Variants in PANX1 observed in about 807,000 individuals in gnomAD.
PANX1 encodes pannexin 1.
PANX1 carries 30 observed loss-of-function variants against 38.7 expected under a neutral mutation model. That is an observed-to-expected ratio of 0.78 (90% CI 0.58 to 1.05). The LOEUF (loss-of-function observed/expected upper bound fraction) is 1.05, where lower values mean the gene tolerates loss of function less well. Among genes scored for constraint, PANX1 ranks in the 50% least tolerant of loss-of-function variants. The pLI is 0.00. For missense variants in PANX1, 551 were observed against 517.2 expected (o/e 1.07, Z -0.63); for synonymous variants, 230 against 212.2 (o/e 1.08, Z -0.73).
At chr11:94,130,596 G>T (rs969260948) in intron 1 of PANX1, among the ~76,000 whole-genome samples, 1 of 140,816 alleles carries the variant, frequency 7.1e-6, no homozygotes, top group Non-Finnish European at 1.6e-5. Flanking sequence ...AGAGGATGGG[G>T]CCTGGAGGGC....
At chr11:94,143,364 A>G (rs1321711539) in intron 1 of PANX1, among the ~76,000 whole-genome samples, 1 of 152,186 alleles carries the variant, frequency 6.6e-6, no homozygotes, top group Non-Finnish European at 1.5e-5. Flanking sequence ...ACAAATAAAT[A>G]TGAAATTCAT....
chr11:94,131,888 A>G (rs1219176909), intron 1 of PANX1, among the ~76,000 whole-genome samples: 1 of 152,140 alleles, frequency 6.6e-6, no homozygotes, highest in African/African-American at 2.4e-5. Flanking sequence ...TAAAGGGAGA[A>G]TGAAGTAATT....
At chr11:94,167,490 T>C (rs1482652665) in intron 2 of PANX1, among the ~76,000 whole-genome samples, 7 of 152,184 alleles carry the variant, frequency 4.6e-5, no homozygotes, top group Admixed American at 4.6e-4. Context: ...GTTTTTCACA[T>C]ATGATATTCA....
chr11:94,146,974 G>A (rs1946834418), intron 1 of PANX1, among the ~76,000 whole-genome samples: 1 of 152,164 alleles, frequency 6.6e-6, no homozygotes, highest in African/African-American at 2.4e-5. Context: ...AGAGTAAAGG[G>A]TCATGATCTC....
Position 94,178,621 on chromosome 11 carries a change from G to C in PANX1, c.545+29G>C, listed in dbSNP as rs750876914. 22 of 1,541,358 alleles carry C rather than the reference G, an allele frequency of 1.4e-5. 1 individual carries two copies. Among genetic ancestry groups the C allele is most frequent in the South Asian group, 3.4e-5 (3 of 89,362 alleles). ...ACTTAGCCCCAGCAGGCAGCTCATC[G>C]GGTTTTGTAGGACAAATTCTCTGCC... On this transcript the variant is annotated intron_variant, in intron 3 of 4. Coordinates refer to ENST00000227638, the MANE Select transcript of PANX1 (RefSeq NM_015368.4).
intron 2 of PANX1, among the ~76,000 whole-genome samples, chr11:94,159,757 T>G (rs1946999709): frequency 6.6e-6 from 1 of 151,920 alleles, no homozygotes; most frequent in Admixed American, 6.6e-5. Context: ...AGTTATTTCT[T>G]GCCTTCTGCT....
intron 1 of PANX1, among the ~76,000 whole-genome samples, chr11:94,136,555 C>T (rs1946693779): frequency 6.6e-6 from 1 of 152,062 alleles, no homozygotes; most frequent in Admixed American, 6.5e-5. Context: ...CCGACGTGGG[C>T]GGATCACGAG....
chr11:94,176,934 G>T (rs867846526), intron 2 of PANX1, among the ~76,000 whole-genome samples: 1 of 151,608 alleles, frequency 6.6e-6, no homozygotes, highest in African/African-American at 2.4e-5. Context: ...GTTGCTGTGA[G>T]GACTGAACAT....
At chr11:94,176,409 A>C (rs1440950001) in intron 2 of PANX1, among the ~76,000 whole-genome samples, 1 of 151,690 alleles carries the variant, frequency 6.6e-6, no homozygotes, top group African/African-American at 2.4e-5. Context: ...TGGATCTTGG[A>C]ACAGGAAGAG....
intron 2 of PANX1, among the ~76,000 whole-genome samples, chr11:94,177,118 T>C (rs1685334567): frequency 1.3e-5 from 2 of 150,040 alleles, no homozygotes; most frequent in South Asian, 4.1e-4. Flanking sequence ...CTTTGAAAAC[T>C]AACCAGATGG....
intron 3 of PANX1, among the ~76,000 whole-genome samples, chr11:94,179,396 C>T (rs1366288046): frequency 6.6e-6 from 1 of 152,196 alleles, no homozygotes; most frequent in Non-Finnish European, 1.5e-5. Context: ...ACTAGGCCTT[C>T]TGTTAAATAT....
chr11:94,150,483 G>A (rs1040052806), intron 1 of PANX1, among the ~76,000 whole-genome samples: 26 of 152,326 alleles, frequency 1.7e-4, no homozygotes, highest in African/African-American at 6.0e-4. Context: ...TGAGATAGAG[G>A]ATGTGGAAAT....
At chr11:94,162,512 C>T (rs188473086) in intron 2 of PANX1, among the ~76,000 whole-genome samples, 202 of 152,338 alleles carry the variant, frequency 1.3e-3, no homozygotes, top group African/African-American at 2.7e-3. Context: ...TAGGACCCTC[C>T]GAGCCAGGCG....
intron 1 of PANX1, among the ~76,000 whole-genome samples, chr11:94,134,506 C>T (rs747881539): frequency 6.6e-6 from 1 of 152,170 alleles, no homozygotes; most frequent in Non-Finnish European, 1.5e-5. Flanking sequence ...ATTCATATGT[C>T]GAAGTCCTGA....
intron 1 of PANX1, among the ~76,000 whole-genome samples, chr11:94,134,812 C>T (rs1946669633): frequency 6.6e-6 from 1 of 152,166 alleles, no homozygotes; most frequent in African/African-American, 2.4e-5. Flanking sequence ...AGGAAAAGAG[C>T]TCTCACCAGA....
At chr11:94,159,161 T>C (rs183280459) in intron 2 of PANX1, among the ~76,000 whole-genome samples, 2 of 152,330 alleles carry the variant, frequency 1.3e-5, no homozygotes, top group Admixed American at 1.3e-4. Flanking sequence ...CAGTATTTTA[T>C]TGAGGATTTT....
chr11:94,177,912 G>A (rs1947253813), intron 2 of PANX1, among the ~76,000 whole-genome samples: 2 of 151,906 alleles, frequency 1.3e-5, no homozygotes, highest in South Asian at 4.1e-4. Context: ...TTTGGGGGAA[G>A]TTACATGTTT....
chr11:94,167,458 G>A (rs920842533), intron 2 of PANX1, among the ~76,000 whole-genome samples: 1 of 152,044 alleles, frequency 6.6e-6, no homozygotes, highest in African/African-American at 2.4e-5. Context: ...CTCCTCTTAT[G>A]TACTGTCAAA....
rs1305235820 is a variant in PANX1 at position 94,171,670 on chromosome 11, G to A, written c.322-6699G>A. On this transcript the variant is annotated intron_variant, in intron 2 of 4. Transcript: ENST00000227638. The stretch of plus-strand genomic sequence containing the variant: ...AGGAGAGCTCAGTTACCCCAAAGAA[G>A]TTATTCAGTGTAATATTTAAGTCAG... 2.0e-5 allele frequency among the ~76,000 whole-genome samples: 3 copies of A among 151,616 alleles called. No homozygotes were observed. The East Asian group carries it at 5.8e-4, about 29-fold the overall frequency.
Sources: allele counts gnomAD v4.1 joint callset (sites outside exome capture counted in the v4.1 genomes callset), GRCh38; gene constraint gnomAD v4.1.1; transcripts MANE v1.5; gene names NCBI Gene and HGNC (gene_info 2026-07-23, HGNC 2026-07-21).